SBF2: variants seen among roughly 807,000 people sequenced by gnomAD.
SBF2 encodes the protein myotubularin-related protein 13.
In SBF2, 112 loss-of-function variants were observed where a neutral mutation model predicts 225.2. The ratio of observed to expected loss-of-function variants is 0.50; its 90% CI spans 0.43 to 0.58. The LOEUF (loss-of-function observed/expected upper bound fraction) is 0.58, where lower values mean the gene tolerates loss of function less well. SBF2 is among the 20% of genes least tolerant of loss of function. The pLI is 0.00. For missense variants in SBF2, 1,996 were observed against 2,206.2 expected (o/e 0.90, Z 1.91); for synonymous variants, 763 against 773.3 (o/e 0.99, Z 0.22).
intron 2 of SBF2, among the ~76,000 whole-genome samples, chr11:10,075,134 T>C (rs1158523565): frequency 2.0e-5 from 3 of 152,266 alleles, no homozygotes; most frequent in Non-Finnish European, 4.4e-5. Context: ...GATAATCTCA[T>C]GGCCTGTGCC....
intron 1 of SBF2, among the ~76,000 whole-genome samples, chr11:10,287,638 G>T (rs553095580): frequency 6.6e-6 from 1 of 152,316 alleles, no homozygotes; most frequent in South Asian, 2.1e-4. Context: ...AAAACTCACT[G>T]AAATGTTCAC....
rs567976688 is a variant in SBF2, at chr11:9,925,426, C to T, written c.1861-29415G>A. On this transcript the variant is annotated intron_variant, in intron 16 of 39. Coordinates refer to ENST00000256190, the MANE Select transcript of SBF2 (RefSeq NM_030962.4). The stretch of plus-strand genomic sequence containing the variant: ...CCAAGTAGCTGGGATTACAGGCATG[C>T]GCCACCACGCCCGACTAATTTTGAA... 1.8e-3 allele frequency among the ~76,000 whole-genome samples: 277 copies of T among 152,186 alleles called. 1 individual carries two copies. Among genetic ancestry groups the T allele is most frequent in the African/African-American group, 6.3e-3 (263 of 41,524 alleles).
chr11:9,821,095 T>C (rs1243790721), intron 28 of SBF2, among the ~76,000 whole-genome samples: 1 of 152,040 alleles, frequency 6.6e-6, no homozygotes, highest in Non-Finnish European at 1.5e-5. Flanking sequence ...CCAGGGCGAG[T>C]CCTTAACCTT....
chr11:10,132,687 A>G (rs10770093), intron 2 of SBF2, among the ~76,000 whole-genome samples: 64,036 of 146,850 alleles, frequency 0.44, 16,330 homozygotes, highest in Admixed American at 0.52. Context: ...ATTGCAAAGA[A>G]CGAAAGAACA....
At chr11:10,177,929 C>T (rs1565322513) in intron 2 of SBF2, among the ~76,000 whole-genome samples, 2 of 149,520 alleles carry the variant, frequency 1.3e-5, no homozygotes, top group Non-Finnish European at 3.0e-5. Context: ...ATCACACTAC[C>T]TGACTTCAAA....
intron 2 of SBF2, among the ~76,000 whole-genome samples, chr11:10,104,068 AAGAGTG>A (rs1952440763): frequency 6.6e-6 from 1 of 150,800 alleles, no homozygotes; most frequent in Admixed American, 6.6e-5. Context: ...TCTGGGGCAA[AAGAGTG>A]AGACCCTGTC....
At chr11:9,942,914 A>AGAAAGAAG (rs1865354783) in intron 16 of SBF2, among the ~76,000 whole-genome samples, 1 of 70,402 alleles carries the variant, frequency 1.4e-5, no homozygotes, top group African/African-American at 3.5e-5. Flanking sequence ...AAAGAAAGAA[A>AGAAAGAAG]GAAAGAAAGA....
chr11:10,219,385 G>C (rs1958254822), intron 1 of SBF2, among the ~76,000 whole-genome samples: 1 of 152,198 alleles, frequency 6.6e-6, no homozygotes, highest in Admixed American at 6.5e-5. Flanking sequence ...ACTGCACACA[G>C]CAGGGGGGCC....
chr11:10,212,141 T>C (rs1382034933), intron 1 of SBF2, among the ~76,000 whole-genome samples: 17 of 152,234 alleles, frequency 1.1e-4, no homozygotes, highest in Admixed American at 1.1e-3. Context: ...CATTAACCCA[T>C]GGATATGGGA....
intron 38 of SBF2, among the ~76,000 whole-genome samples, chr11:9,782,227 T>C (rs1463754731): frequency 6.7e-6 from 1 of 148,878 alleles, no homozygotes; most frequent in African/African-American, 2.5e-5. Flanking sequence ...AAAAAGTATA[T>C]GTAACATATA....
chr11:9,983,597 C>T (rs1035418050), intron 13 of SBF2, among the ~76,000 whole-genome samples: 1 of 152,170 alleles, frequency 6.6e-6, no homozygotes, highest in South Asian at 2.1e-4. Context: ...TTCTGGAAGG[C>T]ACCACCTCCT....
Position 9,794,676 on chromosome 11 carries a change from C to CAAAAAAAAAAAAAAAAA in SBF2, c.4570+1138_4570+1154dup, listed in dbSNP as rs575749593. ...TGATACAGTGAGTGGGACTCCGTCT[C>CAAAAAAAAAAAAAAAAA]AAAAAAAAAAAAAAAAAAAAAAAAA... is the stretch of plus-strand genomic sequence containing the variant. On this transcript the variant is annotated intron_variant, in intron 33 of 39. Transcript: ENST00000256190. Among the ~76,000 whole-genome samples the CAAAAAAAAAAAAAAAAA allele has an allele frequency of 2.0e-4, 7 of 35,354 alleles. 2 individuals carry two copies. The highest frequency in any genetic ancestry group is 1.2e-3 in the East Asian group (1 of 836). 23.2% of individuals were successfully genotyped at this position (35,354 alleles called of 152,430 possible). A position where few individuals can be genotyped will look rare whatever the true frequency, so the allele number is the denominator to read the frequency against.
intron 2 of SBF2, among the ~76,000 whole-genome samples, chr11:10,189,311 T>C (rs1957067804): frequency 6.6e-6 from 1 of 152,212 alleles, no homozygotes; most frequent in Admixed American, 6.5e-5. Context: ...TTCTGTCATC[T>C]CATTCTCCTT....
intron 6 of SBF2, among the ~76,000 whole-genome samples, chr11:10,020,002 G>C (rs1948787943): frequency 6.6e-6 from 1 of 152,112 alleles, no homozygotes; most frequent in Non-Finnish European, 1.5e-5. Flanking sequence ...TATTCAGACA[G>C]ACATAAGCAG....
At chr11:10,205,142 G>A (rs762650601) in intron 1 of SBF2, among the ~76,000 whole-genome samples, 20 of 151,812 alleles carry the variant, frequency 1.3e-4, no homozygotes, top group Non-Finnish European at 2.6e-4. Flanking sequence ...AAACCTACAC[G>A]TCCTGCACAT....
At chr11:10,230,382 G>C (rs553969139) in intron 1 of SBF2, among the ~76,000 whole-genome samples, 4 of 152,316 alleles carry the variant, frequency 2.6e-5, no homozygotes, top group Non-Finnish European at 5.9e-5. Flanking sequence ...TTGCTTGTTA[G>C]TTGATGCAGT....
chr11:9,987,469 A>G (rs1947251416), intron 13 of SBF2, among the ~76,000 whole-genome samples: 1 of 152,196 alleles, frequency 6.6e-6, no homozygotes, highest in Non-Finnish European at 1.5e-5. Flanking sequence ...GTAAAGAGGA[A>G]GTAAAACTGT....
intron 2 of SBF2, among the ~76,000 whole-genome samples, chr11:10,109,710 A>G (rs1952744096): frequency 6.6e-6 from 1 of 152,168 alleles, no homozygotes; most frequent in African/African-American, 2.4e-5. Context: ...ATTATGTACT[A>G]GAAGCATGTT....
chr11:9,797,954 CAG>C (rs1853233603), intron 32 of SBF2, among the ~76,000 whole-genome samples: 1 of 152,022 alleles, frequency 6.6e-6, no homozygotes, highest in Non-Finnish European at 1.5e-5. Flanking sequence ...GCCTGGGTGA[CAG>C]AGTGAGACCC....
Sources: gnomAD v4.1 joint callset for allele counts (sites outside exome capture counted in the v4.1 genomes callset) on GRCh38, gnomAD v4.1.1 for gene constraint, MANE v1.5 for transcripts, NCBI Gene and HGNC (gene_info 2026-07-23, HGNC 2026-07-21) for gene names.